Variants in PRKN observed in about 807,000 individuals in gnomAD.
PRKN encodes parkin RBR E3 ubiquitin protein ligase, also known as E3 ubiquitin-protein ligase parkin.
PRKN carries 56 observed loss-of-function variants against 59.5 expected under a neutral mutation model. The observed-to-expected ratio is 0.94, with a 90% CI of 0.76 to 1.18. The LOEUF is 1.18. Ranked by LOEUF, PRKN falls within the 50% of genes most tolerant of loss-of-function variation. PRKN has a pLI of 0.00. For missense variants in PRKN, 657 were observed against 596.4 expected (o/e 1.10, Z -1.06); for synonymous variants, 250 against 222.1 (o/e 1.13, Z -1.12).
intron 9 of PRKN, among the ~76,000 whole-genome samples, chr6:161,477,568 G>A (rs1583124030): frequency 6.6e-6 from 1 of 151,728 alleles, no homozygotes; most frequent in Non-Finnish European, 1.5e-5. Context: ...ATGAATCAAG[G>A]TGATGAAGAT....
At chr6:161,711,043 C>T (rs896020381) in intron 7 of PRKN, among the ~76,000 whole-genome samples, 3 of 151,640 alleles carry the variant, frequency 2.0e-5, no homozygotes, top group African/African-American at 7.3e-5. Context: ...TTCTTATTCC[C>T]GTTGATCTGA....
At chr6:162,409,810 A>G (rs1243984685) in intron 2 of PRKN, among the ~76,000 whole-genome samples, 1 of 152,212 alleles carries the variant, frequency 6.6e-6, no homozygotes, top group African/African-American at 2.4e-5. Flanking sequence ...GATAATTCAA[A>G]GACGAATTTA....
At chr6:161,485,502 A>G (rs1791606983) in intron 9 of PRKN, among the ~76,000 whole-genome samples, 1 of 152,190 alleles carries the variant, frequency 6.6e-6, no homozygotes, top group African/African-American at 2.4e-5. Context: ...ATAGTAAACT[A>G]TATTTATTTT....
intron 6 of PRKN, among the ~76,000 whole-genome samples, chr6:161,911,864 C>T (rs1562385270): frequency 6.6e-6 from 1 of 151,898 alleles, no homozygotes; most frequent in Non-Finnish European, 1.5e-5. Context: ...TGCGAAAAAT[C>T]AAAGAAAGCA....
intron 2 of PRKN, among the ~76,000 whole-genome samples, chr6:162,414,787 G>A (rs1293112220): frequency 6.7e-6 from 1 of 149,566 alleles, no homozygotes. Flanking sequence ...AATCAGAATG[G>A]AAAGTGTAAA....
intron 5 of PRKN, among the ~76,000 whole-genome samples, chr6:162,040,740 T>C (rs1784038350): frequency 6.6e-6 from 1 of 151,584 alleles, no homozygotes; most frequent in Non-Finnish European, 1.5e-5. Context: ...TTTTGATGTA[T>C]TTATGAACCT....
chr6:161,505,691 T>C (rs1223697912), intron 9 of PRKN, among the ~76,000 whole-genome samples: 2 of 125,998 alleles, frequency 1.6e-5, no homozygotes, highest in African/African-American at 6.5e-5. Flanking sequence ...CCATCTTGAA[T>C]TGATTTTTGT....
intron 1 of PRKN, among the ~76,000 whole-genome samples, chr6:162,469,055 C>T (rs1791578262): frequency 6.6e-6 from 1 of 151,998 alleles, no homozygotes; most frequent in South Asian, 2.1e-4. Flanking sequence ...GGAATGTATC[C>T]ACTCATAAAC....
intron 3 of PRKN, among the ~76,000 whole-genome samples, chr6:162,204,435 C>T (rs900101260): frequency 2.0e-5 from 3 of 152,058 alleles, no homozygotes; most frequent in Non-Finnish European, 2.9e-5. Flanking sequence ...AATGCTGCAT[C>T]GTGTGACACT....
intron 4 of PRKN, among the ~76,000 whole-genome samples, chr6:162,064,336 G>A (rs1455898616): frequency 1.3e-5 from 2 of 152,204 alleles, no homozygotes; most frequent in Non-Finnish European, 2.9e-5. Context: ...GTAGTTACAT[G>A]AGTGTATGTA....
intron 9 of PRKN, among the ~76,000 whole-genome samples, chr6:161,477,154 T>C (rs958186468): frequency 2.0e-5 from 3 of 152,204 alleles, no homozygotes; most frequent in Admixed American, 2.0e-4. Context: ...TATTTGGCTT[T>C]AAAAGTATTA....
At chr6:161,713,544 G>T (rs1786840672) in intron 7 of PRKN, among the ~76,000 whole-genome samples, 1 of 152,110 alleles carries the variant, frequency 6.6e-6, no homozygotes, top group East Asian at 1.9e-4. Context: ...AATTTCCAGA[G>T]GTTTTTAGGA....
chr6:162,021,477 T>C (rs1401040210), intron 5 of PRKN, among the ~76,000 whole-genome samples: 2 of 140,808 alleles, frequency 1.4e-5, no homozygotes, highest in Non-Finnish European at 3.0e-5. Flanking sequence ...TTTTTTTTTT[T>C]CCTTAAGCTC....
At chr6:161,695,077 C>T (rs1785962663) in intron 7 of PRKN, among the ~76,000 whole-genome samples, 1 of 152,124 alleles carries the variant, frequency 6.6e-6, no homozygotes, top group African/African-American at 2.4e-5. Context: ...TACAGGCTCC[C>T]AGGTCAACCC....
chr6:162,214,839 A>C (rs1271849776), intron 3 of PRKN, among the ~76,000 whole-genome samples: 1 of 152,148 alleles, frequency 6.6e-6, no homozygotes, highest in Non-Finnish European at 1.5e-5. Context: ...TGTTCACTTT[A>C]TATTTGCTTT....
chr6:162,568,689 C>A, intron 1 of PRKN: 1 of 865,034 alleles, frequency 1.2e-6, no homozygotes, highest in East Asian at 2.5e-5. Context: ...GAGCCTCCTG[C>A]AGCAGCAGAA....
intron 7 of PRKN, among the ~76,000 whole-genome samples, chr6:161,759,162 T>G (rs1789081757): frequency 1.8e-5 from 2 of 110,596 alleles, no homozygotes; most frequent in East Asian, 2.8e-4. Context: ...GGCGACAGAG[T>G]GAGACTGTTT....
intron 7 of PRKN, among the ~76,000 whole-genome samples, chr6:161,686,074 GCAA>G (rs79227392): frequency 3.8e-4 from 16 of 42,350 alleles, no homozygotes; most frequent in African/African-American, 1.5e-3. Context: ...GTAGAAAACA[GCAA>G]AAAAAAAAAA....
intron 2 of PRKN, among the ~76,000 whole-genome samples, chr6:162,397,031 G>A (rs1301339516): frequency 1.3e-5 from 2 of 152,116 alleles, no homozygotes; most frequent in Admixed American, 6.6e-5. Flanking sequence ...GTATGCAACC[G>A]AGGACAGCGC....
Sources: gnomAD v4.1 joint callset for allele counts (sites outside exome capture counted in the v4.1 genomes callset) on GRCh38, gnomAD v4.1.1 for gene constraint, MANE v1.5 for transcripts, NCBI Gene and HGNC (gene_info 2026-07-23, HGNC 2026-07-21) for gene names.